The following ICA1 variants were observed in gnomAD, a reference collection of about 807,000 sequenced individuals.
ICA1 encodes the protein 69 kDa islet cell autoantigen.
Under a neutral mutation model 71.0 loss-of-function variants are expected in ICA1, and 40 were observed. That is an observed-to-expected ratio of 0.56 (90% CI 0.44 to 0.73). The LOEUF is 0.73. Among genes scored for constraint, ICA1 ranks in the 30% least tolerant of loss-of-function variants. The pLI is 0.00. For missense variants in ICA1, 578 were observed against 576.5 expected (o/e 1.00, Z -0.03); for synonymous variants, 207 against 209.5 (o/e 0.99, Z 0.10).
At chr7:8,202,783 G>C (rs1790164920) in intron 6 of ICA1, among the ~76,000 whole-genome samples, 1 of 152,310 alleles carries the variant, frequency 6.6e-6, no homozygotes, top group African/African-American at 2.4e-5. Flanking sequence ...AATGATGGAG[G>C]CATCTGTAGG....
chr7:8,210,142 T>C (rs959090873), intron 6 of ICA1, among the ~76,000 whole-genome samples: 1 of 152,198 alleles, frequency 6.6e-6, no homozygotes, highest in Non-Finnish European at 1.5e-5. Flanking sequence ...GGGGTGCCAA[T>C]TATAGTCCTT....
At chr7:8,199,856 T>A (rs1199497491) in intron 6 of ICA1, among the ~76,000 whole-genome samples, 3 of 151,962 alleles carry the variant, frequency 2.0e-5, no homozygotes, top group African/African-American at 7.3e-5. Context: ...AACCTAAACA[T>A]CAAAACAATT....
chr7:8,199,975 A>T (rs1789003870), intron 6 of ICA1, among the ~76,000 whole-genome samples: 1 of 152,200 alleles, frequency 6.6e-6, no homozygotes, highest in Non-Finnish European at 1.5e-5. Flanking sequence ...AGAAAAAATG[A>T]GTAAGACCTA....
chr7:8,145,951 C>A (rs1477002824), intron 8 of ICA1, among the ~76,000 whole-genome samples: 2 of 151,960 alleles, frequency 1.3e-5, no homozygotes, highest in Non-Finnish European at 2.9e-5. Flanking sequence ...TAAAGTGGAA[C>A]CCAGGTCTTC....
chr7:8,243,228 C>T (rs185719924), intron 1 of ICA1, among the ~76,000 whole-genome samples: 15 of 152,248 alleles, frequency 9.9e-5, no homozygotes, highest in Admixed American at 2.0e-4. Context: ...ACAATCAAGT[C>T]GGCTTCATCC....
chr7:8,140,697 G>C (rs2128121982), intron 10 of ICA1, among the ~76,000 whole-genome samples: 1 of 152,342 alleles, frequency 6.6e-6, no homozygotes, highest in East Asian at 1.9e-4. Flanking sequence ...AAATGAACAA[G>C]TGCATGAGTA....
intron 1 of ICA1, among the ~76,000 whole-genome samples, chr7:8,249,627 A>T (rs564911800): frequency 6.6e-6 from 1 of 152,326 alleles, no homozygotes; most frequent in South Asian, 2.1e-4. Context: ...TTCCAATTGC[A>T]TGGTACTAAT....
At chr7:8,191,861 CA>C (rs1455268741) in intron 6 of ICA1, among the ~76,000 whole-genome samples, 1 of 152,042 alleles carries the variant, frequency 6.6e-6, no homozygotes, top group Non-Finnish European at 1.5e-5. Context: ...ATTCAAATCA[CA>C]AAGACACTAA....
In ICA1 at chr7:8,221,353, T is replaced by C; in HGVS notation, c.302A>G (p.Gln101Arg). The C allele has an allele frequency of 6.2e-7, 1 of 1,613,678 alleles. No individual in the cohort carries two copies. Among genetic ancestry groups the C allele is most frequent in the African/African-American group, 1.3e-5 (1 of 75,002 alleles). The change falls in exon 5 of 14, where the codon CAA (glutamine) becomes CGA (arginine). Residue 101 changes from glutamine to arginine, a missense_variant. Physicochemically the swap from Gln to Arg is conservative, Grantham distance 43 (BLOSUM62 1). Coordinates refer to ENST00000402384, the MANE Select transcript of ICA1 (RefSeq NM_001136020.3). ...TGCTCTGGTTTTATCTTGGAAACCTTGGGATCGAAGAAATTTTCCCAGTTC... is the reference window on the plus strand; with the variant it reads ...TGCTCTGGTTTTATCTTGGAAACCTCGGGATCGAAGAAATTTTCCCAGTTC... The part of the protein sequence containing the change: ...ENELGKFLRS[Q>R]GFQDKTRAGK...
At chr7:8,219,758 G>C (rs1002394767) in intron 5 of ICA1, among the ~76,000 whole-genome samples, 1 of 152,200 alleles carries the variant, frequency 6.6e-6, no homozygotes, top group Non-Finnish European at 1.5e-5. Context: ...AACAAACACT[G>C]GTGTGAAGGT....
chr7:8,156,905 T>C (rs761721694), intron 8 of ICA1: 19 of 1,524,006 alleles, frequency 1.2e-5, no homozygotes, highest in Non-Finnish European at 1.6e-5. Context: ...CAGTAGATTC[T>C]CATTGTATTG....
In ICA1 at chr7:8,226,484, C is replaced by A. The variant is rs769309844; in HGVS notation, c.256+2117G>T. On this transcript the variant is annotated intron_variant, in intron 4 of 13. Transcript: ENST00000402384. The surrounding 1 kb of genome is among the most constrained non-coding windows in gnomAD (Gnocchi z 4.4). The stretch of plus-strand genomic sequence containing the variant: ...CATGAAGGATAGCATACTATAGATA[C>A]GCTTTTATGTTTTGCTTCTTTCACT... Among the ~76,000 whole-genome samples, 1 of 152,162 alleles carries A rather than the reference C, an allele frequency of 6.6e-6. No homozygotes were observed. Among genetic ancestry groups the A allele is most frequent in the Non-Finnish European group, 1.5e-5 (1 of 68,032 alleles).
intron 6 of ICA1, among the ~76,000 whole-genome samples, chr7:8,207,341 C>T (rs934286623): frequency 1.3e-5 from 2 of 152,146 alleles, no homozygotes; most frequent in African/African-American, 4.8e-5. Context: ...CCAACAGGCT[C>T]TTAGGGTCTG....
At chr7:8,166,317 T>A (rs1001434345) in intron 6 of ICA1, among the ~76,000 whole-genome samples, 2 of 152,074 alleles carry the variant, frequency 1.3e-5, no homozygotes, top group Non-Finnish European at 2.9e-5. Context: ...TGGAGCAGAA[T>A]AGAGAGCCCA....
chr7:8,133,130 A>G (rs1055083359), intron 12 of ICA1, among the ~76,000 whole-genome samples: 2 of 152,148 alleles, frequency 1.3e-5, no homozygotes, highest in African/African-American at 4.8e-5. Context: ...GGTAGCTTCT[A>G]TAAGAAGAGG....
chr7:8,215,255 G>A lies in ICA1; in HGVS notation c.579+3050C>T, dbSNP rs115847668. Among the ~76,000 whole-genome samples, 1,432 of 152,200 alleles carry A rather than the reference G, an allele frequency of 9.4e-3. 18 individuals are homozygous for A. The highest frequency in any genetic ancestry group is 0.033 in the African/African-American group (1,365 of 41,526). ...TCTCCACACTCACCTCACCTTCTGT[G>A]CTCTGGTTCTAAGCACGCTGCTCCT... On this transcript the variant is annotated intron_variant, in intron 6 of 13. Coordinates refer to ENST00000402384, the MANE Select transcript of ICA1 (RefSeq NM_001136020.3).
At chr7:8,249,359 G>A (rs938164412) in intron 1 of ICA1, among the ~76,000 whole-genome samples, 1 of 152,232 alleles carries the variant, frequency 6.6e-6, no homozygotes, top group Non-Finnish European at 1.5e-5. Context: ...ACTGCCAGTG[G>A]TGTGTGTAAC....
chr7:8,124,206 C>T lies in ICA1; in HGVS notation c.1330+3667G>A, dbSNP rs185751728. 9.3e-4 allele frequency among the ~76,000 whole-genome samples: 140 copies of T among 150,194 alleles called. 3 individuals are homozygous for T. In the East Asian group the frequency reaches 0.021, roughly 23 times the overall value. On this transcript the variant is annotated intron_variant, in intron 13 of 13. Transcript: ENST00000402384. The stretch of plus-strand genomic sequence containing the variant: ...CGGGATCTCGGCTCACTGCAAGCTC[C>T]GCCTCCCGGGTTCACGCCATTCTCC...
intron 1 of ICA1, among the ~76,000 whole-genome samples, chr7:8,237,376 T>A (rs1224339014): frequency 1.3e-5 from 2 of 152,200 alleles, no homozygotes; most frequent in Non-Finnish European, 2.9e-5. Flanking sequence ...GGAAATGGAA[T>A]TATCATATTC....
Sources: gnomAD v4.1 joint callset for allele counts (sites outside exome capture counted in the v4.1 genomes callset) on GRCh38, gnomAD v4.1.1 for gene constraint, Gnocchi (gnomAD v3.1) non-coding constraint, MANE v1.5 for transcripts, NCBI Gene and HGNC (gene_info 2026-07-23, HGNC 2026-07-21) for gene names.